Variants in MTCL1 observed in about 807,000 individuals in gnomAD.
The protein encoded by MTCL1 is microtubule crosslinking factor 1, also known as microtubule cross-linking factor 1.
MTCL1 carries 79 observed loss-of-function variants against 141.4 expected under a neutral mutation model. The observed-to-expected ratio is 0.56, with a 90% CI of 0.47 to 0.67. MTCL1 has a LOEUF of 0.67. Among genes scored for constraint, MTCL1 ranks in the 30% least tolerant of loss-of-function variants. The probability of loss-of-function intolerance (pLI) is 0.00; values close to 1 mark genes in which losing one functional copy is unlikely to be tolerated. For synonymous variants in MTCL1, 914 were observed against 875.8 expected (o/e 1.04, Z -0.77); for missense variants, 2,177 against 2,113.9 (o/e 1.03, Z -0.59).
At chr18:8,796,848 CT>C (rs1399923947) in intron 9 of MTCL1, among the ~76,000 whole-genome samples, 1 of 152,166 alleles carries the variant, frequency 6.6e-6, no homozygotes, top group Non-Finnish European at 1.5e-5. Context: ...GAGGCAGGTG[CT>C]GTTGGTTGCC....
intron 4 of MTCL1, among the ~76,000 whole-genome samples, chr18:8,732,835 T>C (rs936812754): frequency 6.6e-6 from 1 of 152,108 alleles, no homozygotes; most frequent in African/African-American, 2.4e-5. Flanking sequence ...TGGGGGCAGT[T>C]AGGTGTGTGT....
intron 14 of MTCL1, among the ~76,000 whole-genome samples, 178 bp from the exon 14 acceptor site, chr18:8,824,521 A>T (rs585117): frequency 6.6e-6 from 1 of 152,136 alleles, no homozygotes; most frequent in Non-Finnish European, 1.5e-5. Context: ...GCAGAGTCCA[A>T]TAAATGCCCG....
intron 13 of MTCL1, among the ~76,000 whole-genome samples, chr18:8,819,811 A>G (rs1283251234): frequency 6.6e-6 from 1 of 152,038 alleles, no homozygotes; most frequent in African/African-American, 2.4e-5. Context: ...GGGTCTCCCT[A>G]TGTTGCCCAA....
chr18:8,778,801 T>C (rs1320688156), intron 5 of MTCL1, among the ~76,000 whole-genome samples: 1 of 152,260 alleles, frequency 6.6e-6, no homozygotes, highest in Non-Finnish European at 1.5e-5. Context: ...TCTTCTGGGC[T>C]GAGAGTGTTT....
At chr18:8,760,309 C>G (rs1224992768) in intron 4 of MTCL1, among the ~76,000 whole-genome samples, 8 of 152,190 alleles carry the variant, frequency 5.3e-5, no homozygotes, top group Non-Finnish European at 8.8e-5. Context: ...TGAGCCTGTT[C>G]CCTCACACAG....
At chr18:8,826,054 A>G (rs1376858556) in exon 15 of MTCL1, 1 of 1,611,932 alleles carries the variant, frequency 6.2e-7, no homozygotes, top group Non-Finnish European at 8.5e-7. Flanking sequence ...ACGCCAGTGA[A>G]GCAGGACTTA....
upstream of MTCL1, among the ~76,000 whole-genome samples, chr18:8,712,789 G>T (rs931475943): frequency 3.3e-5 from 5 of 152,140 alleles, no homozygotes; most frequent in African/African-American, 1.2e-4. Context: ...AAATGAGGTG[G>T]ATTATTCGTA....
intron 4 of MTCL1, among the ~76,000 whole-genome samples, chr18:8,773,706 G>C (rs775287): frequency 0.37 from 56,079 of 151,786 alleles, 12,110 homozygotes; most frequent in East Asian, 0.59. Flanking sequence ...AGATTTATCT[G>C]TATATAGTGT....
intron 13 of MTCL1, among the ~76,000 whole-genome samples, chr18:8,820,150 C>T (rs939288346): frequency 1.3e-5 from 2 of 152,138 alleles, no homozygotes; most frequent in African/African-American, 2.4e-5. Context: ...TGGCTCATGC[C>T]TGTAATCCCA....
rs866958101 is a variant in MTCL1, at chr18:8,785,635, G to A, written c.1732-301G>A. On this transcript the variant is annotated intron_variant, in intron 6 of 16. Transcript: ENST00000359865. ...AGTTCTGGATTCACGCATCGCCATC[G>A]CATGTGCCCCGTAACCAGTGTTTTG... 2.3e-4 allele frequency: 84 copies of A among 358,834 alleles called. 3 individuals carry two copies. In the Middle Eastern group the frequency reaches 5.0e-3, roughly 21 times the overall value. 22.2% of individuals were successfully genotyped at this position (358,834 alleles called of 1,614,324 possible). A position where few individuals can be genotyped will look rare whatever the true frequency, so the allele number is the denominator to read the frequency against.
chr18:8,813,100 T>C, exon 12 of MTCL1: 1 of 1,614,208 alleles, frequency 6.2e-7, no homozygotes. Flanking sequence ...AGCCTGGTCA[T>C]GGACCTGCGC....
chr18:8,762,396 C>G (rs2096436888), intron 4 of MTCL1, among the ~76,000 whole-genome samples: 1 of 152,264 alleles, frequency 6.6e-6, no homozygotes, highest in African/African-American at 2.4e-5. Flanking sequence ...GACATTTAAA[C>G]TAGGGTAGCT....
At chr18:8,788,241 T>C (rs1568039651) in intron 7 of MTCL1, among the ~76,000 whole-genome samples, 1 of 152,160 alleles carries the variant, frequency 6.6e-6, no homozygotes, top group Non-Finnish European at 1.5e-5. Context: ...TGCCGGCAGC[T>C]TTCTTTGCTC....
chr18:8,771,976 G>C (rs773798983), intron 4 of MTCL1, among the ~76,000 whole-genome samples: 1 of 152,198 alleles, frequency 6.6e-6, no homozygotes, highest in Non-Finnish European at 1.5e-5. Context: ...AATAAACTGG[G>C]CATGACTAAT....
upstream of MTCL1, chr18:8,705,658 G>A: frequency 8.3e-7 from 1 of 1,205,460 alleles, no homozygotes; most frequent in Non-Finnish European, 1.0e-6. This position sits in a 1 kb window ranked among gnomAD's most constrained non-coding sequence, Gnocchi z 5.2. Context: ...GGCGGACCCG[G>A]CCATGGAGAC....
chr18:8,726,531 GTGCGCATGCGCGCGC>G (rs2096215714), intron 4 of MTCL1, among the ~76,000 whole-genome samples: 1 of 96,278 alleles, frequency 1.0e-5, no homozygotes, highest in Admixed American at 1.0e-4. Flanking sequence ...GAGAGAGCGA[GTGCGCATGCGCGCGC>G]GCAACAAGCA....
At chr18:8,784,393 C>T in exon 6 of MTCL1, 2 of 1,527,478 alleles carry the variant, frequency 1.3e-6, no homozygotes, top group Non-Finnish European at 1.8e-6. Flanking sequence ...AGACGTCGGG[C>T]TTCGGGAGCG....
chr18:8,830,833 TC>T lies in MTCL1; in HGVS notation c.*19-773del. 3.0e-6 allele frequency: 3 copies of T among 985,470 alleles called. No homozygotes were observed. The highest frequency in any genetic ancestry group is 3.6e-6 in the Non-Finnish European group (3 of 829,952). 61.0% of individuals were successfully genotyped at this position (985,470 alleles called of 1,614,324 possible). On this transcript the variant is annotated intron_variant, in intron 16 of 16. Transcript: ENST00000359865. The surrounding 1 kb of genome is among the most constrained non-coding windows in gnomAD (Gnocchi z 6.4). ...CATGTAAGGACAAGGAGCTCAACAT[TC>T]TTTAAAAACAAAGTAGCTTGAGAAT... is the stretch of plus-strand genomic sequence containing the variant.
intron 4 of MTCL1, among the ~76,000 whole-genome samples, chr18:8,743,806 A>G (rs1447358052): frequency 6.6e-6 from 1 of 152,060 alleles, no homozygotes; most frequent in African/African-American, 2.4e-5. Context: ...AGCAACCTCT[A>G]CTCCCTTTGC....
Sources: allele counts gnomAD v4.1 joint callset (sites outside exome capture counted in the v4.1 genomes callset), GRCh38; gene constraint gnomAD v4.1.1; non-coding constraint Gnocchi (gnomAD v3.1); transcripts MANE v1.5; gene names NCBI Gene and HGNC (gene_info 2026-07-23, HGNC 2026-07-21).